DSCAML1: variants seen among roughly 807,000 people sequenced by gnomAD.
DSCAML1 encodes DS cell adhesion molecule like 1.
DSCAML1 carries 38 observed loss-of-function variants against 200.5 expected under a neutral mutation model. The ratio of observed to expected loss-of-function variants is 0.19; its 90% CI spans 0.15 to 0.25. The LOEUF (loss-of-function observed/expected upper bound fraction) is 0.25, where lower values mean the gene tolerates loss of function less well. Ranked by LOEUF, DSCAML1 falls within the 10% of genes least tolerant of loss-of-function variation. DSCAML1 has a pLI of 1.00. For synonymous variants in DSCAML1, 1,215 were observed against 1,165.0 expected (o/e 1.04, Z -0.87); for missense variants, 2,223 against 2,858.8 (o/e 0.78, Z 5.07).
chr11:117,717,714 C>T (rs1052192053), intron 3 of DSCAML1, among the ~76,000 whole-genome samples: 7 of 152,194 alleles, frequency 4.6e-5, no homozygotes, highest in East Asian at 3.9e-4. Flanking sequence ...CCCATACTCA[C>T]GCTCCCACAA....
At chr11:117,595,059 T>TAAACACACACAC (rs2051335662) in intron 3 of DSCAML1, among the ~76,000 whole-genome samples, 1 of 143,816 alleles carries the variant, frequency 7.0e-6, no homozygotes, top group Non-Finnish European at 1.5e-5. Context: ...GTCTTTCTCT[T>TAAACACACACAC]ACACACACAC....
At chr11:117,561,772 G>A (rs938841082) in intron 3 of DSCAML1, among the ~76,000 whole-genome samples, 3 of 152,198 alleles carry the variant, frequency 2.0e-5, no homozygotes, top group African/African-American at 7.2e-5. Context: ...GCCCCAGAAT[G>A]CCCTGGGCTT....
At chr11:117,532,602 G>A in intron 3 of DSCAML1, 80 bp from the exon 4 acceptor site, 3 of 1,409,930 alleles carry the variant, frequency 2.1e-6, no homozygotes, top group Non-Finnish European at 2.9e-6. Flanking sequence ...TCTGACAGAT[G>A]AGGATTTTCA....
At chr11:117,810,580 T>C (rs530795521) in intron 1 of DSCAML1, among the ~76,000 whole-genome samples, 6 of 152,200 alleles carry the variant, frequency 3.9e-5, no homozygotes, top group Admixed American at 1.3e-4. Context: ...CATTCCTCCT[T>C]CTTCTCCCTT....
rs371134042 is a variant in DSCAML1 at position 117,428,387 on chromosome 11, C to A, written c.6103G>T (p.Val2035Leu). Residue 2035 changes from valine (V) to leucine (L), a missense_variant, in exon 33 of 33, where the codon GTA (valine) becomes TTA (leucine). This residue lies in a region of DSCAML1 where 280 missense variants were observed against 213.4 expected (regional missense o/e 1.31). Coordinates refer to ENST00000651296, the MANE Select transcript of DSCAML1 (RefSeq NM_020693.4). ...GCCCCCTGCTTCTGAGACCTCCCTA[C>A]CCCCGATGTGCTCATCTCGAGAAGC... The part of the protein sequence containing the change: ...DSLLEMSTSG[V>L]GRSQKQGAGA... The A allele has an allele frequency of 5.0e-6, 8 of 1,589,244 alleles. No homozygotes were observed. Among genetic ancestry groups the A allele is most frequent in the Non-Finnish European group, 6.8e-6 (8 of 1,171,108 alleles).
chr11:117,684,435 T>TAAAAAAAAAAAAA (rs149958154), intron 3 of DSCAML1, among the ~76,000 whole-genome samples: 8 of 74,592 alleles, frequency 1.1e-4, no homozygotes, highest in Non-Finnish European at 2.2e-4. Flanking sequence ...TTTCATTAAC[T>TAAAAAAAAAAAAA]AAAAAAAAAA....
chr11:117,665,625 G>T (rs2137656250), intron 3 of DSCAML1, among the ~76,000 whole-genome samples: 2 of 152,276 alleles, frequency 1.3e-5, no homozygotes, highest in East Asian at 3.9e-4. Flanking sequence ...TATTGTCATT[G>T]TCCCTATTTT....
At chr11:117,816,406 G>T (rs1031855154) in intron 1 of DSCAML1, among the ~76,000 whole-genome samples, 6 of 152,224 alleles carry the variant, frequency 3.9e-5, no homozygotes, top group African/African-American at 1.2e-4. Flanking sequence ...TCTGATCTCC[G>T]CTGGCCAGGC....
chr11:117,448,757 T>C (rs1285206903), intron 20 of DSCAML1, among the ~76,000 whole-genome samples: 1 of 152,066 alleles, frequency 6.6e-6, no homozygotes, highest in Non-Finnish European at 1.5e-5. Flanking sequence ...TCTTATCCCC[T>C]GTGAGTGGGG....
Position 117,583,631 on chromosome 11 carries a change from C to G in DSCAML1, c.512-51109G>C, listed in dbSNP as rs534759845. Among the ~76,000 whole-genome samples, 28 of 152,340 alleles carry G rather than the reference C, an allele frequency of 1.8e-4. 1 individual carries two copies. In the South Asian group the frequency reaches 4.4e-3, roughly 24 times the overall value. On this transcript the variant is annotated intron_variant, in intron 3 of 32. Coordinates refer to ENST00000651296, the MANE Select transcript of DSCAML1 (RefSeq NM_020693.4). ...CTCCCTGTGCAGGTCTGCCCTCCCC[C>G]CATCAGCCCCGGAGCCCTTGGGGAG... is the stretch of plus-strand genomic sequence containing the variant.
intron 3 of DSCAML1, among the ~76,000 whole-genome samples, chr11:117,718,683 C>G (rs1395641128): frequency 9.2e-6 from 1 of 108,238 alleles, no homozygotes; most frequent in Non-Finnish European, 2.1e-5. Context: ...CCCCCCCCCC[C>G]ATCATATGAG....
At position 117,518,283 on chromosome 11, in the gene DSCAML1, C is replaced by T. The variant is rs2049815191; in HGVS notation, c.1510+183G>A. 2.7e-6 allele frequency: 2 copies of T among 754,118 alleles called. No individual in the cohort carries two copies. Among genetic ancestry groups the T allele is most frequent in the East Asian group, 5.1e-5 (2 of 39,006 alleles). 46.7% of individuals were successfully genotyped at this position (754,118 alleles called of 1,614,324 possible). ...GAACTGTACCAGACACACACACGCACACAAGAATGGATGATGGCGCTTGAG... is the reference window on the plus strand; with the variant it reads ...GAACTGTACCAGACACACACACGCATACAAGAATGGATGATGGCGCTTGAG... On this transcript the variant is annotated intron_variant, in intron 7 of 32. Coordinates refer to ENST00000651296, the MANE Select transcript of DSCAML1 (RefSeq NM_020693.4). This position sits in a 1 kb window ranked among gnomAD's most constrained non-coding sequence, Gnocchi z 6.3.
intron 16 of DSCAML1, among the ~76,000 whole-genome samples, chr11:117,468,763 TGTGTGAGTGTGA>T (rs559540990): frequency 5.3e-5 from 8 of 152,290 alleles, no homozygotes; most frequent in East Asian, 1.9e-4. Context: ...TGCTGCTATG[TGTGTGAGTGTGA>T]GTGTGAGTGT....
intron 3 of DSCAML1, among the ~76,000 whole-genome samples, chr11:117,602,758 G>T (rs1275639800): frequency 6.6e-6 from 1 of 152,028 alleles, no homozygotes; most frequent in Non-Finnish European, 1.5e-5. Context: ...AGCCCCTCCC[G>T]TTGAATCACT....
chr11:117,708,461 C>A (rs1345423867), intron 3 of DSCAML1, among the ~76,000 whole-genome samples: 1 of 152,172 alleles, frequency 6.6e-6, no homozygotes, highest in Non-Finnish European at 1.5e-5. Context: ...AGTTTCTTAA[C>A]CTAAGCCTCA....
At chr11:117,752,405 T>A (rs1396586605) in intron 3 of DSCAML1, among the ~76,000 whole-genome samples, 3 of 152,122 alleles carry the variant, frequency 2.0e-5, no homozygotes, top group Non-Finnish European at 4.4e-5. Context: ...TTTAAGTGTA[T>A]CTCACAGCAC....
chr11:117,722,102 C>T (rs984063115), intron 3 of DSCAML1, among the ~76,000 whole-genome samples: 4 of 152,122 alleles, frequency 2.6e-5, no homozygotes, highest in African/African-American at 9.7e-5. Context: ...TCAACATCAG[C>T]TTCTTCTCTG....
At chr11:117,755,676 A>AC (rs2054676834) in intron 3 of DSCAML1, among the ~76,000 whole-genome samples, 2 of 152,320 alleles carry the variant, frequency 1.3e-5, no homozygotes, top group Middle Eastern at 3.4e-3. Context: ...TTGTTTTTTA[A>AC]CCTTCGTAAG....
At chr11:117,764,957 G>A (rs1250919329) in intron 3 of DSCAML1, among the ~76,000 whole-genome samples, 6 of 152,172 alleles carry the variant, frequency 3.9e-5, no homozygotes, top group Non-Finnish European at 8.8e-5. Context: ...ATGCACGGCC[G>A]CCTTCATGGC....
Sources: gnomAD v4.1 joint callset for allele counts (sites outside exome capture counted in the v4.1 genomes callset) on GRCh38, gnomAD v4.1.1 for gene constraint, gnomAD v4.1.1 regional missense constraint, Gnocchi (gnomAD v3.1) non-coding constraint, MANE v1.5 for transcripts, NCBI Gene and HGNC (gene_info 2026-07-23, HGNC 2026-07-21) for gene names.